FRMD3: variants seen among roughly 807,000 people sequenced by gnomAD.
FRMD3 encodes FERM domain-containing protein 3.
Under a neutral mutation model 70.2 loss-of-function variants are expected in FRMD3, and 33 were observed. That is an observed-to-expected ratio of 0.47 (90% CI 0.36 to 0.63). The LOEUF is 0.63. Among genes scored for constraint, FRMD3 ranks in the 20% least tolerant of loss-of-function variants. The probability of loss-of-function intolerance (pLI) is 0.00; values close to 1 mark genes in which losing one functional copy is unlikely to be tolerated. For missense variants in FRMD3, 632 were observed against 711.4 expected, an observed-to-expected ratio of 0.89 and a Z score of 1.27; for synonymous variants, 279 against 255.9, an observed-to-expected ratio of 1.09 and a Z score of -0.86.
At chr9:83,262,804 T>C (rs1833048268) in intron 13 of FRMD3, among the ~76,000 whole-genome samples, 1 of 152,132 alleles carries the variant, frequency 6.6e-6, no homozygotes, top group African/African-American at 2.4e-5. Flanking sequence ...CTGGGAAGGC[T>C]CTCCTATCCC....
At chr9:83,581,349 A>G in the FRMD3 span, among the ~76,000 whole-genome samples, 1 of 152,224 alleles carries the variant, frequency 6.6e-6, no homozygotes, top group Non-Finnish European at 1.5e-5. Flanking sequence ...CAAATGACCA[A>G]TAAGCACATG....
chr9:83,367,184 T>A, intron 3 of FRMD3, among the ~76,000 whole-genome samples: 1 of 152,206 alleles, frequency 6.6e-6, no homozygotes, highest in East Asian at 1.9e-4. Context: ...ATCCGAGTAC[T>A]CTTAAAGAAA....
At chr9:83,290,783 C>T in intron 12 of FRMD3, 56 bp from the exon 13 acceptor site, 1 of 1,546,782 alleles carries the variant, frequency 6.5e-7, no homozygotes, top group Non-Finnish European at 8.7e-7. Context: ...GCTGGCCCCT[C>T]CATCTCAGCG....
At chr9:83,585,278 C>A in the FRMD3 span, among the ~76,000 whole-genome samples, 2 of 152,156 alleles carry the variant, frequency 1.3e-5, no homozygotes, top group South Asian at 4.1e-4. Flanking sequence ...TGCAGCAAAG[C>A]GAGCAGCCAG....
chr9:83,359,649 T>G (rs1451025762), intron 3 of FRMD3, among the ~76,000 whole-genome samples: 1 of 152,212 alleles, frequency 6.6e-6, no homozygotes, highest in Non-Finnish European at 1.5e-5. Context: ...CACTGAAGTT[T>G]GAATTTGTAT....
the FRMD3 span, among the ~76,000 whole-genome samples, chr9:83,574,049 C>T: frequency 6.6e-6 from 1 of 152,164 alleles, no homozygotes; most frequent in African/African-American, 2.4e-5. Context: ...CATATATACA[C>T]CCTCTTCCGC....
rs575310943 is a variant in FRMD3, at chr9:83,437,976, G to A, written c.148-48268C>T. 3.9e-5 allele frequency among the ~76,000 whole-genome samples: 6 copies of A among 152,200 alleles called. No individual in the cohort carries two copies. In the South Asian group the frequency reaches 6.2e-4, roughly 16 times the overall value. ...GAAGGGGGCATGTGAGGGCACGTGC[G>A]GGAAACACACTCAGTTTTGCAGAAT... On this transcript the variant is annotated intron_variant, in intron 1 of 13. Transcript: ENST00000304195.
At chr9:83,521,653 A>G (rs1829574033) in intron 1 of FRMD3, among the ~76,000 whole-genome samples, 1 of 152,168 alleles carries the variant, frequency 6.6e-6, no homozygotes, top group Non-Finnish European at 1.5e-5. Context: ...TGTCTTAATT[A>G]TTCCCTAATA....
chr9:83,407,875 T>TC (rs1826164412), intron 1 of FRMD3, among the ~76,000 whole-genome samples: 1 of 58,628 alleles, frequency 1.7e-5, no homozygotes, highest in Non-Finnish European at 3.0e-5. Flanking sequence ...CTCTCTCTCA[T>TC]CTTTCTCTCT....
intron 1 of FRMD3, among the ~76,000 whole-genome samples, chr9:83,423,084 C>T (rs1275806615): frequency 6.6e-6 from 1 of 152,124 alleles, no homozygotes; most frequent in Non-Finnish European, 1.5e-5. Flanking sequence ...TAAAAAAGCA[C>T]CAATTTCGAT....
intron 13 of FRMD3, among the ~76,000 whole-genome samples, chr9:83,268,772 G>A (rs1316587996): frequency 6.6e-6 from 1 of 152,130 alleles, no homozygotes; most frequent in Non-Finnish European, 1.5e-5. Flanking sequence ...GACCTCAATG[G>A]GCCCCCCACT....
chr9:83,571,362 T>C, the FRMD3 span, among the ~76,000 whole-genome samples: 1 of 152,172 alleles, frequency 6.6e-6, no homozygotes, highest in South Asian at 2.1e-4. Flanking sequence ...ATCTTTTCTT[T>C]ATAAATTACG....
Position 83,245,337 on chromosome 9 carries a change from A to C in FRMD3, c.*2581T>G. ...CATTCGATTCAGGCAACTGGTGACT[A>C]TCTTCTAACAAAACTTAAATGGATG... is the stretch of plus-strand genomic sequence containing the variant. On this transcript the variant is annotated 3_prime_UTR_variant, in exon 14 of 14. Transcript: ENST00000304195. 6.1e-6 allele frequency: 6 copies of C among 985,416 alleles called. No individual in the cohort carries two copies. Among genetic ancestry groups the C allele is most frequent in the Non-Finnish European group, 7.2e-6 (6 of 829,920 alleles). The allele number at this position is 985,416 out of a possible 1,614,324, so 61.0% of individuals were successfully genotyped here.
chr9:83,343,898 C>T (rs956625664), intron 4 of FRMD3, among the ~76,000 whole-genome samples: 1 of 152,218 alleles, frequency 6.6e-6, no homozygotes, highest in South Asian at 2.1e-4. Flanking sequence ...GCCTGTGACA[C>T]GGGCAAGTCA....
intron 1 of FRMD3, among the ~76,000 whole-genome samples, chr9:83,449,296 G>C (rs1368347674): frequency 6.6e-6 from 1 of 152,206 alleles, no homozygotes; most frequent in African/African-American, 2.4e-5. Context: ...AGCTCTACGA[G>C]CTTCCATCTG....
chr9:83,334,088 T>C (rs544847595), intron 6 of FRMD3, among the ~76,000 whole-genome samples: 2 of 152,226 alleles, frequency 1.3e-5, no homozygotes, highest in Non-Finnish European at 2.9e-5. Flanking sequence ...AAACAGTGGG[T>C]GCAACTCCTT....
intron 1 of FRMD3, among the ~76,000 whole-genome samples, chr9:83,399,129 A>G (rs917888067): frequency 4.6e-5 from 7 of 152,300 alleles, no homozygotes; most frequent in African/African-American, 1.7e-4. Flanking sequence ...AAAGACAAAG[A>G]AATAGTGCAT....
intron 13 of FRMD3, among the ~76,000 whole-genome samples, chr9:83,282,687 C>A (rs1834019569): frequency 6.6e-6 from 1 of 152,138 alleles, no homozygotes; most frequent in Admixed American, 6.5e-5. Context: ...TCTGTGGTCA[C>A]CTGGCTGCTT....
intron 1 of FRMD3, among the ~76,000 whole-genome samples, chr9:83,518,480 A>G (rs1475890018): frequency 6.6e-6 from 1 of 152,220 alleles, no homozygotes; most frequent in African/African-American, 2.4e-5. Context: ...CTACTCAAGG[A>G]AATAAGAGAG....
Sources: allele counts gnomAD v4.1 joint callset (sites outside exome capture counted in the v4.1 genomes callset), GRCh38; gene constraint gnomAD v4.1.1; transcripts MANE v1.5; gene names NCBI Gene and HGNC (gene_info 2026-07-23, HGNC 2026-07-21).